The following DCC variants were observed in gnomAD, a reference collection of about 807,000 sequenced individuals.
The protein encoded by DCC is DCC netrin 1 receptor, also known as netrin receptor DCC.
In DCC, 58 loss-of-function variants were observed where a neutral mutation model predicts 172.5. The observed-to-expected ratio is 0.34, with a 90% CI of 0.27 to 0.42. DCC has a LOEUF of 0.42. Among genes scored for constraint, DCC ranks in the 10% least tolerant of loss-of-function variants. The pLI, the probability that DCC is intolerant of heterozygous loss-of-function variation, is 1.00. For missense variants in DCC, 1,740 were observed against 1,791.0 expected (o/e 0.97, Z 0.51); for synonymous variants, 709 against 644.5 (o/e 1.10, Z -1.52).
chr18:52,454,215 C>G (rs926737868), intron 1 of DCC, among the ~76,000 whole-genome samples: 1 of 152,076 alleles, frequency 6.6e-6, no homozygotes, highest in Non-Finnish European at 1.5e-5. Flanking sequence ...TAAAAGAGCT[C>G]TAAAACAAAA....
chr18:53,428,175 G>A (rs866862610), intron 21 of DCC, among the ~76,000 whole-genome samples: 1 of 24,296 alleles, frequency 4.1e-5, no homozygotes, highest in African/African-American at 9.6e-5. Context: ...TATATAATAT[G>A]TAATATATAA....
chr18:52,921,138 GA>G (rs1209270650), intron 3 of DCC, among the ~76,000 whole-genome samples: 1 of 30,352 alleles, frequency 3.3e-5, no homozygotes, highest in Non-Finnish European at 1.3e-4. Flanking sequence ...ATAGGATTAT[GA>G]AAAGTAAAGG....
intron 7 of DCC, among the ~76,000 whole-genome samples, chr18:53,138,523 T>A (rs966780584): frequency 6.6e-6 from 1 of 152,226 alleles, no homozygotes; most frequent in African/African-American, 2.4e-5. Context: ...GAATGATTTC[T>A]GACATAATTG....
intron 12 of DCC, among the ~76,000 whole-genome samples, chr18:53,258,180 T>G (rs962736277): frequency 1.3e-5 from 2 of 152,184 alleles, no homozygotes; most frequent in African/African-American, 4.8e-5. Context: ...AATCATTGAT[T>G]TTTTGAAGGG....
chr18:53,111,844 A>T (rs73467178), intron 7 of DCC, among the ~76,000 whole-genome samples: 7 of 151,812 alleles, frequency 4.6e-5, no homozygotes, highest in African/African-American at 1.7e-4. Flanking sequence ...AGCACAAGTC[A>T]TGTTAGATAT....
At chr18:53,473,237 CCCT>C (rs1266347860) in intron 25 of DCC, among the ~76,000 whole-genome samples, 48 of 152,290 alleles carry the variant, frequency 3.2e-4, no homozygotes, top group Admixed American at 3.1e-3. Context: ...TACAAATCTT[CCCT>C]CCTCCAACAG....
chr18:52,405,730 A>T, intron 1 of DCC, among the ~76,000 whole-genome samples: 1 of 151,706 alleles, frequency 6.6e-6, no homozygotes, highest in Non-Finnish European at 1.5e-5. Flanking sequence ...CAATATCGTG[A>T]AAATGGCCAT....
intron 12 of DCC, among the ~76,000 whole-genome samples, chr18:53,273,545 T>C (rs2056772225): frequency 1.3e-5 from 2 of 152,160 alleles, no homozygotes; most frequent in Admixed American, 1.3e-4. Flanking sequence ...GAAAATTATT[T>C]GATACTCAGT....
chr18:52,525,109 T>C (rs2031941927), intron 1 of DCC, among the ~76,000 whole-genome samples: 1 of 152,090 alleles, frequency 6.6e-6, no homozygotes, highest in African/African-American at 2.4e-5. Context: ...CATTCTCTCG[T>C]ATTTAGGAGG....
At chr18:52,813,982 T>G (rs565267606) in intron 2 of DCC, among the ~76,000 whole-genome samples, 2 of 152,222 alleles carry the variant, frequency 1.3e-5, no homozygotes, top group Non-Finnish European at 2.9e-5. Context: ...CTCCTGGGTC[T>G]CCAGCTTGCC....
Position 53,214,398 on chromosome 18 carries a change from T to G in DCC, c.1862-1150T>G, listed in dbSNP as rs537537679. Among the ~76,000 whole-genome samples, 49 of 152,306 alleles carry G rather than the reference T, an allele frequency of 3.2e-4. 2 individuals carry two copies. The highest frequency in any genetic ancestry group is 2.2e-3 in the Admixed American group (34 of 15,302). ...ATTAATTGAATGTCAGTTTGGAAGA[T>G]AAAAGATTAATCGGTGGCACATCAT... On this transcript the variant is annotated intron_variant, in intron 11 of 28. Coordinates refer to ENST00000442544, the MANE Select transcript of DCC (RefSeq NM_005215.4).
chr18:52,872,948 C>T (rs1249143426), intron 2 of DCC, among the ~76,000 whole-genome samples: 1 of 152,120 alleles, frequency 6.6e-6, no homozygotes, highest in African/African-American at 2.4e-5. Flanking sequence ...ATTACATTTT[C>T]ACAGACGAAC....
At chr18:52,955,096 C>G (rs1377708788) in intron 5 of DCC, among the ~76,000 whole-genome samples, 1 of 152,102 alleles carries the variant, frequency 6.6e-6, no homozygotes, top group Non-Finnish European at 1.5e-5. Context: ...AGGTTTCACC[C>G]TTGGTGTTGT....
rs1355008328 is a variant in DCC, at chr18:52,752,122, G to A, written c.160G>A (p.Gly54Arg). The change falls in exon 2 of 29, where the codon GGA becomes AGA. Residue 54 changes from glycine to arginine, a missense_variant. By Grantham distance (125) the Gly-to-Arg change is moderately radical. Coordinates refer to ENST00000442544, the MANE Select transcript of DCC (RefSeq NM_005215.4). ...SEPSDAVTMR[G>R]GNVLLDCSAE... ...ACCTTCTGATGCCGTCACAATGCGG[G>A]GAGGAAATGTCCTCCTCGACTGCTC... 2 of 1,614,034 alleles carry A rather than the reference G, an allele frequency of 1.2e-6. No homozygotes were observed. The highest frequency in any genetic ancestry group is 2.2e-5 in the East Asian group (1 of 44,886).
intron 14 of DCC, among the ~76,000 whole-genome samples, chr18:53,336,259 T>C (rs1490535492): frequency 2.6e-5 from 4 of 152,222 alleles, no homozygotes; most frequent in Admixed American, 2.6e-4. Context: ...AGTCATATTA[T>C]ATATCTTCCA....
intron 5 of DCC, among the ~76,000 whole-genome samples, chr18:53,026,922 T>G (rs1449569025): frequency 6.6e-6 from 1 of 152,098 alleles, no homozygotes; most frequent in African/African-American, 2.4e-5. Context: ...AGAAGGGTAT[T>G]TCCAATTTCT....
intron 5 of DCC, among the ~76,000 whole-genome samples, chr18:52,992,390 TCAAG>T (rs2041407761): frequency 6.6e-6 from 1 of 152,196 alleles, no homozygotes; most frequent in Non-Finnish European, 1.5e-5. Context: ...CTAGAAGTGC[TCAAG>T]CAGTTTCTGT....
intron 2 of DCC, among the ~76,000 whole-genome samples, chr18:52,866,724 A>G (rs1016460784): frequency 6.6e-6 from 1 of 152,226 alleles, no homozygotes; most frequent in African/African-American, 2.4e-5. Context: ...ATTTTCGCAC[A>G]TTGATTTTGT....
chr18:53,502,555 T>A (rs2046116511), intron 27 of DCC, among the ~76,000 whole-genome samples: 2 of 152,188 alleles, frequency 1.3e-5, no homozygotes. Flanking sequence ...AAGTTTTGAT[T>A]CTAAGAAAAT....
Sources: gnomAD v4.1 joint callset for allele counts (sites outside exome capture counted in the v4.1 genomes callset) on GRCh38, gnomAD v4.1.1 for gene constraint, MANE v1.5 for transcripts, NCBI Gene and HGNC (gene_info 2026-07-23, HGNC 2026-07-21) for gene names.